The following CFAP418 variants were observed in gnomAD, a reference collection of about 807,000 sequenced individuals.
The protein encoded by CFAP418 is cilia- and flagella-associated protein 418.
In CFAP418, 27 loss-of-function variants were observed where a neutral mutation model predicts 24.7. The observed-to-expected ratio is 1.09, with a 90% CI of 0.81 to 1.51. CFAP418 has a LOEUF of 1.51. Among genes scored for constraint, CFAP418 ranks in the 40% most tolerant of loss-of-function variants. The pLI is 0.00. For missense variants in CFAP418, 257 were observed against 255.2 expected (o/e 1.01, Z -0.05); for synonymous variants, 74 against 87.3 (o/e 0.85, Z 0.85).
At chr8:95,252,613 A>G (rs1811726356) in intron 4 of CFAP418, among the ~76,000 whole-genome samples, 1 of 152,248 alleles carries the variant, frequency 6.6e-6, no homozygotes, top group African/African-American at 2.4e-5. Flanking sequence ...ATCGTCATAT[A>G]AGCTAACTTC....
At chr8:95,254,649 A>G (rs1331080778) in intron 4 of CFAP418, among the ~76,000 whole-genome samples, 2 of 152,194 alleles carry the variant, frequency 1.3e-5, no homozygotes, top group African/African-American at 4.8e-5. Context: ...CCAACCCAAT[A>G]CAATCTTCTG....
intron 1 of CFAP418, 160 bp downstream of exon 1, chr8:95,268,875 T>C (rs890264298): frequency 2.7e-6 from 2 of 746,408 alleles, no homozygotes; most frequent in South Asian, 3.7e-5. Context: ...GGTCGACGAA[T>C]GCGCTGCCGC....
intron 4 of CFAP418, among the ~76,000 whole-genome samples, chr8:95,253,150 A>C (rs1329551418): frequency 7.2e-5 from 11 of 152,166 alleles, no homozygotes; most frequent in Non-Finnish European, 2.9e-5. Context: ...TCTACTAAAA[A>C]TACAAAAAAA....
intron 5 of CFAP418, among the ~76,000 whole-genome samples, chr8:95,249,019 G>A (rs1251453374): frequency 6.6e-6 from 1 of 152,116 alleles, no homozygotes; most frequent in Non-Finnish European, 1.5e-5. Flanking sequence ...CTAGCTAAAC[G>A]ACTTAGCTAA....
intron 1 of CFAP418, among the ~76,000 whole-genome samples, chr8:95,266,146 C>G (rs1274059111): frequency 6.6e-6 from 1 of 152,122 alleles, no homozygotes; most frequent in East Asian, 1.9e-4. Flanking sequence ...AGTATTCACG[C>G]ATGGGATTGT....
At chr8:95,268,030 T>C (rs1295260394) in intron 1 of CFAP418, among the ~76,000 whole-genome samples, 4 of 152,148 alleles carry the variant, frequency 2.6e-5, no homozygotes. Flanking sequence ...AATTTCCATA[T>C]GTATGTCTGG....
At chr8:95,259,718 C>A in intron 4 of CFAP418, 122 bp downstream of exon 4, 3 of 729,694 alleles carry the variant, frequency 4.1e-6, no homozygotes, top group Non-Finnish European at 6.9e-6. Flanking sequence ...CTTAGATTAG[C>A]TAATAAAAAT....
intron 5 of CFAP418, 137 bp from the exon 6 acceptor site, chr8:95,247,907 G>A: frequency 1.1e-6 from 1 of 886,222 alleles, no homozygotes; most frequent in Non-Finnish European, 1.6e-6. Flanking sequence ...AGGCTGGATT[G>A]CGGTGGCACA....
intron 1 of CFAP418, among the ~76,000 whole-genome samples, chr8:95,268,444 C>A (rs1812044568): frequency 6.6e-6 from 1 of 152,098 alleles, no homozygotes; most frequent in African/African-American, 2.4e-5. Context: ...CACTGCACTC[C>A]AACCTGGGCG....
rs1250986790 is a variant in CFAP418 at position 95,245,227 on chromosome 8, TTAA to T, written c.*2387_*2389del. ...TCATTTTCAGCTTAAATTACAACAG[TTAA>T]TAATTTATCTGACTGTATATAAACA... is the stretch of plus-strand genomic sequence containing the variant. On this transcript the variant is annotated 3_prime_UTR_variant, in exon 6 of 6. Coordinates refer to ENST00000286688, the MANE Select transcript of CFAP418 (RefSeq NM_177965.4). 2.6e-5 allele frequency: 4 copies of T among 152,162 alleles called. No individual in the cohort carries two copies. Among genetic ancestry groups the T allele is most frequent in the African/African-American group, 7.2e-5 (3 of 41,456 alleles). 9.4% of individuals were successfully genotyped at this position (152,162 alleles called of 1,614,324 possible).
chr8:95,256,945 A>G (rs1811800701), intron 4 of CFAP418, among the ~76,000 whole-genome samples: 1 of 152,250 alleles, frequency 6.6e-6, no homozygotes, highest in African/African-American at 2.4e-5. Context: ...GAGAAGAGGA[A>G]CAACAAGGAT....
intron 4 of CFAP418, among the ~76,000 whole-genome samples, chr8:95,253,744 T>C (rs1811744586): frequency 7.3e-6 from 1 of 136,854 alleles, no homozygotes; most frequent in South Asian, 2.3e-4. Context: ...TTTGTACACA[T>C]TTGAACTCAG....
chr8:95,262,496 T>C (rs1036429477), intron 2 of CFAP418, among the ~76,000 whole-genome samples: 1 of 152,216 alleles, frequency 6.6e-6, no homozygotes, highest in Admixed American at 6.5e-5. Context: ...GTACTATAGT[T>C]ATTTCTTAAA....
Position 95,247,729 on chromosome 8 carries a change from A to G in CFAP418, c.512T>C (p.Ile171Thr), listed in dbSNP as rs143893647. The change falls in exon 6 of 6, where the codon ATA becomes ACA. Residue 171 changes from isoleucine (I) to threonine (T), a missense_variant. Coordinates refer to ENST00000286688, the MANE Select transcript of CFAP418 (RefSeq NM_177965.4). ...PEFHKLKAKL[I>T]KKKGTRAYAC... is the part of the protein sequence containing the mutation. ...ATATGCCCGTGTTCCTTTCTTCTTT[A>G]TCAACTTTGCTTTTAATTTGTGAAA... 1.2e-6 allele frequency: 2 copies of G among 1,612,344 alleles called. No homozygotes were observed. Among genetic ancestry groups the G allele is most frequent in the South Asian group, 2.2e-5 (2 of 90,902 alleles).
chr8:95,259,957 G>T, intron 3 of CFAP418, 52 bp from the exon 4 acceptor site: 2 of 1,483,260 alleles, frequency 1.3e-6, no homozygotes, highest in Non-Finnish European at 1.8e-6. Context: ...AAAAATAGGA[G>T]AAGTTAATTT....
At chr8:95,262,762 A>G (rs940430865) in intron 2 of CFAP418, among the ~76,000 whole-genome samples, 1 of 152,182 alleles carries the variant, frequency 6.6e-6, no homozygotes, top group Admixed American at 6.5e-5. Context: ...AAACTTCCGT[A>G]TATGGGTAAA....
At chr8:95,259,118 A>G (rs1468381482) in intron 4 of CFAP418, among the ~76,000 whole-genome samples, 5 of 152,250 alleles carry the variant, frequency 3.3e-5, no homozygotes, top group East Asian at 1.9e-4. Context: ...TTAACAGAAA[A>G]TAAGTGTTTT....
chr8:95,259,953 A>T, intron 3 of CFAP418, 48 bp from the exon 4 acceptor site: 1 of 1,497,118 alleles, frequency 6.7e-7, no homozygotes, highest in African/African-American at 1.4e-5. Context: ...AACAAAAAAT[A>T]GGAGAAGTTA....
chr8:95,246,445 G>A lies in CFAP418; in HGVS notation c.*1172C>T, dbSNP rs990206994. The stretch of plus-strand genomic sequence containing the variant: ...ATCAGATCTTCCTCCCTTCAGTAGG[G>A]TGGCTGGAATAAATTTAGCATAAGA... On this transcript the variant is annotated 3_prime_UTR_variant, in exon 6 of 6. Transcript: ENST00000286688. 2.0e-5 allele frequency: 3 copies of A among 152,226 alleles called. No homozygotes were observed. The highest frequency in any genetic ancestry group is 7.2e-5 in the African/African-American group (3 of 41,454). The allele number at this position is 152,226 out of a possible 1,614,324, so 9.4% of individuals were successfully genotyped here.
Sources: gnomAD v4.1 joint callset for allele counts (sites outside exome capture counted in the v4.1 genomes callset) on GRCh38, gnomAD v4.1.1 for gene constraint, MANE v1.5 for transcripts, NCBI Gene and HGNC (gene_info 2026-07-23, HGNC 2026-07-21) for gene names.